GALNT6: variants seen among roughly 807,000 people sequenced by gnomAD.
The protein encoded by GALNT6 is polypeptide N-acetylgalactosaminyltransferase 6.
Under a neutral mutation model 65.9 loss-of-function variants are expected in GALNT6, and 51 were observed. The ratio of observed to expected loss-of-function variants is 0.77; its 90% CI spans 0.62 to 0.98. The LOEUF is 0.98. GALNT6 is among the 50% of genes least tolerant of loss of function. GALNT6 has a pLI of 0.00. For missense variants in GALNT6, 708 were observed against 803.3 expected (o/e 0.88, Z 1.43); for synonymous variants, 323 against 315.1 (o/e 1.02, Z -0.26).
At chr12:51,386,430 G>A (rs886428236) in intron 2 of GALNT6, among the ~76,000 whole-genome samples, 1 of 152,192 alleles carries the variant, frequency 6.6e-6, no homozygotes, top group African/African-American at 2.4e-5. Context: ...CTTTAAAGAT[G>A]TGGAGACTGG....
intron 9 of GALNT6, among the ~76,000 whole-genome samples, chr12:51,357,735 G>A (rs1238659348): frequency 6.6e-6 from 1 of 152,140 alleles, no homozygotes; most frequent in Admixed American, 6.5e-5. Context: ...CCCTCAGCAC[G>A]TGGGAGTTTC....
At chr12:51,371,169 C>T (rs913167593) in intron 4 of GALNT6, among the ~76,000 whole-genome samples, 4 of 151,646 alleles carry the variant, frequency 2.6e-5, no homozygotes, top group Non-Finnish European at 4.4e-5. Flanking sequence ...CTGCAACCTC[C>T]GCCTCCGGGG....
intron 2 of GALNT6, among the ~76,000 whole-genome samples, chr12:51,380,291 G>C (rs1309420702): frequency 2.0e-5 from 3 of 152,102 alleles, no homozygotes; most frequent in Non-Finnish European, 2.9e-5. Flanking sequence ...GTATGTACAA[G>C]AACATTTAAG....
In GALNT6 at chr12:51,351,590, G is replaced by C. The variant is rs148703634; in HGVS notation, c.*2789C>G. On this transcript the variant is annotated 3_prime_UTR_variant, in exon 12 of 12. Transcript: ENST00000356317. ...CCTTATCTGATTCCCTAAGTGGAAG[G>C]AATTGCTCCTTCTAACTCATCCAGC... 2 of 152,360 alleles carry C rather than the reference G, an allele frequency of 1.3e-5. No individual in the cohort carries two copies. The highest frequency in any genetic ancestry group is 3.9e-4 in the East Asian group (2 of 5,184). The allele number at this position is 152,360 out of a possible 1,614,324, so 9.4% of individuals were successfully genotyped here.
intron 6 of GALNT6, among the ~76,000 whole-genome samples, chr12:51,361,479 T>C (rs560992324): frequency 6.6e-6 from 1 of 152,296 alleles, no homozygotes; most frequent in African/African-American, 2.4e-5. Flanking sequence ...CAGAGAAAGC[T>C]GATAAAAGGT....
Position 51,379,398 on chromosome 12 carries a change from C to T in GALNT6, c.384G>A (p.Leu128=). ...KAFQKSKWTP[L]ETQEKEEGYK... ...AGCCTTCTTCCTTTTCCTGGGTCTC[C>T]AGGGGGGTCCACTTGCTCTTCTGAA... Residue 128 remains leucine (L), a synonymous_variant, in exon 3 of 12, where the codon CTG becomes CTA. Coordinates refer to ENST00000356317, the MANE Select transcript of GALNT6 (RefSeq NM_007210.4). 1 of 1,605,534 alleles carries T rather than the reference C, an allele frequency of 6.2e-7. No homozygotes were observed. The highest frequency in any genetic ancestry group is 8.5e-7 in the Non-Finnish European group (1 of 1,175,930).
rs896845970 is a variant in GALNT6, at chr12:51,353,179, C to T, written c.*1200G>A. ...TACAGACAAGCCCCTTTACCTGTGT[C>T]TCAGTTTTCGTATCTGTAAAATAGG... On this transcript the variant is annotated 3_prime_UTR_variant, in exon 12 of 12. Coordinates refer to ENST00000356317, the MANE Select transcript of GALNT6 (RefSeq NM_007210.4). The T allele has an allele frequency of 6.6e-6, 1 of 152,200 alleles. No homozygotes were observed. Among genetic ancestry groups the T allele is most frequent in the African/African-American group, 2.4e-5 (1 of 41,438 alleles). 9.4% of individuals were successfully genotyped at this position (152,200 alleles called of 1,614,324 possible).
chr12:51,364,082 T>C, intron 6 of GALNT6, 39 bp downstream of exon 6: 1 of 1,410,036 alleles, frequency 7.1e-7, no homozygotes, highest in South Asian at 1.1e-5. Context: ...TGGGTAGGAC[T>C]GGGGCCAGGT....
chr12:51,372,642 T>C (rs1343575507), intron 4 of GALNT6, among the ~76,000 whole-genome samples: 2 of 152,176 alleles, frequency 1.3e-5, no homozygotes, highest in African/African-American at 4.8e-5. Flanking sequence ...GGGCGGGTGC[T>C]CTGGAGGGGA....
chr12:51,361,647 TAGATACC>T (rs1459295496), intron 6 of GALNT6, among the ~76,000 whole-genome samples: 1 of 152,142 alleles, frequency 6.6e-6, no homozygotes, highest in African/African-American at 2.4e-5. Flanking sequence ...TCCTAGAATT[TAGATACC>T]AGGTTGCTTC....
chr12:51,365,489 G>A lies in GALNT6; in HGVS notation c.755C>T (p.Ala252Val), dbSNP rs1375356380. 1 of 1,612,340 alleles carries A rather than the reference G, an allele frequency of 6.2e-7. No homozygotes were observed. The highest frequency in any genetic ancestry group is 2.2e-5 in the East Asian group (1 of 44,870). The change falls in exon 5 of 12, where the codon GCC becomes GTC. Residue 252 changes from alanine (A) to valine (V), a missense_variant. By Grantham distance (64) the Ala-to-Val change is moderately conservative (BLOSUM62 0). Coordinates refer to ENST00000356317, the MANE Select transcript of GALNT6 (RefSeq NM_007210.4). ...RQEERKGLIT[A>V]RLLGASVAQA... ...TGCCACGCTGGCCCCCAGCAGCCGG[G>A]CGGTGATCAGCCCCTTCCGCTCCTC...
intron 6 of GALNT6, among the ~76,000 whole-genome samples, chr12:51,362,766 G>T (rs560527933): frequency 6.6e-6 from 1 of 152,058 alleles, no homozygotes; most frequent in Non-Finnish European, 1.5e-5. Context: ...TCCTTCTAAT[G>T]GAGACAGAGC....
chr12:51,371,027 C>A (rs1204180702), intron 4 of GALNT6, among the ~76,000 whole-genome samples: 1 of 150,270 alleles, frequency 6.7e-6, no homozygotes, highest in Non-Finnish European at 1.5e-5. Flanking sequence ...GGAGGTCTCA[C>A]AATTTGGTCC....
chr12:51,373,983 C>A (rs1453913655), intron 4 of GALNT6, among the ~76,000 whole-genome samples: 2 of 152,180 alleles, frequency 1.3e-5, no homozygotes, highest in African/African-American at 4.8e-5. Context: ...CCTCAGCCCT[C>A]CAAGTAGCTG....
At chr12:51,383,974 C>T (rs953085625) in intron 2 of GALNT6, among the ~76,000 whole-genome samples, 1 of 152,154 alleles carries the variant, frequency 6.6e-6, no homozygotes, top group Admixed American at 6.5e-5. Flanking sequence ...TACAAAGCTT[C>T]ACGAGATCCG....
intron 4 of GALNT6, among the ~76,000 whole-genome samples, chr12:51,368,331 C>T (rs898277235): frequency 3.3e-5 from 5 of 150,830 alleles, no homozygotes; most frequent in Non-Finnish European, 5.9e-5. Flanking sequence ...TGGAGAGTGG[C>T]GCCTAGGAGA....
At chr12:51,376,223 A>G (rs1356219226) in intron 4 of GALNT6, among the ~76,000 whole-genome samples, 1 of 152,160 alleles carries the variant, frequency 6.6e-6, no homozygotes, top group African/African-American at 2.4e-5. Flanking sequence ...GTCCAAGGTC[A>G]CAGAGCTAGG....
intron 6 of GALNT6, 30 bp downstream of exon 6, chr12:51,364,091 G>C (rs1263171688): frequency 2.0e-6 from 3 of 1,512,542 alleles, no homozygotes; most frequent in Non-Finnish European, 2.8e-6. Context: ...CTGGGGCCAG[G>C]TTGGGGGCTC....
rs1380739688 is a variant in GALNT6 at position 51,355,875 on chromosome 12, G to T, written c.1686C>A (p.Gly562=). ...TGCCAGTGAAGTGACAGCTCCCAAGGCCCAGAGCACCCTTGCTGACATGTA... is the reference window on the plus strand; with the variant it reads ...TGCCAGTGAAGTGACAGCTCCCAAGTCCCAGAGCACCCTTGCTGACATGTA... ...LCLHVSKGAL[G]LGSCHFTGKN... The change falls in exon 11 of 12, where the codon GGC becomes GGA. Residue 562 remains glycine (G), a synonymous_variant. Coordinates refer to ENST00000356317, the MANE Select transcript of GALNT6 (RefSeq NM_007210.4). 5 of 1,613,780 alleles carry T rather than the reference G, an allele frequency of 3.1e-6. No individual in the cohort carries two copies. Among genetic ancestry groups the T allele is most frequent in the Non-Finnish European group, 3.4e-6 (4 of 1,179,838 alleles).
Sources: gnomAD v4.1 joint callset for allele counts (sites outside exome capture counted in the v4.1 genomes callset) on GRCh38, gnomAD v4.1.1 for gene constraint, MANE v1.5 for transcripts, NCBI Gene and HGNC (gene_info 2026-07-23, HGNC 2026-07-21) for gene names.